Variants in LARGE1 observed in about 807,000 individuals in gnomAD.
LARGE1 encodes the protein xylosyl- and glucuronyltransferase LARGE1.
In LARGE1, 43 loss-of-function variants were observed where a neutral mutation model predicts 87.6. The observed-to-expected ratio is 0.49, with a 90% CI of 0.38 to 0.63. The LOEUF is 0.63. Among genes scored for constraint, LARGE1 ranks in the 30% least tolerant of loss-of-function variants. LARGE1 has a pLI of 0.00. For missense variants in LARGE1, 802 were observed against 1,000.2 expected, an observed-to-expected ratio of 0.80 and a Z score of 2.67; for synonymous variants, 434 against 394.6, an observed-to-expected ratio of 1.10 and a Z score of -1.18.
chr22:33,437,210 C>T (rs2147782737), intron 6 of LARGE1, among the ~76,000 whole-genome samples: 1 of 152,286 alleles, frequency 6.6e-6, no homozygotes, highest in South Asian at 2.1e-4. Flanking sequence ...ATTTCACCTG[C>T]AGGGTGACTG....
At chr22:33,322,500 C>G (rs1377782046) in intron 10 of LARGE1, 1 of 152,226 alleles carries the variant, frequency 6.6e-6, no homozygotes, top group African/African-American at 2.4e-5. Flanking sequence ...CAAATCCTAA[C>G]CTAGGCTTGC....
chr22:33,506,212 A>G (rs1392400520), intron 6 of LARGE1, among the ~76,000 whole-genome samples: 1 of 152,044 alleles, frequency 6.6e-6, no homozygotes, highest in East Asian at 1.9e-4. Context: ...ATATATATAT[A>G]TATTTTTGGA....
At chr22:33,779,796 T>TA (rs980236481) in intron 1 of LARGE1, among the ~76,000 whole-genome samples, 5 of 97,360 alleles carry the variant, frequency 5.1e-5, no homozygotes, top group Admixed American at 9.6e-5. Context: ...TCAAAAAAAT[T>TA]AAAAAAAAAT....
At chr22:33,104,911 CTTTCTTTCTT>C in the LARGE1 span, among the ~76,000 whole-genome samples, 1 of 66,458 alleles carries the variant, frequency 1.5e-5, no homozygotes, top group Non-Finnish European at 4.0e-5. Flanking sequence ...TTCTTTCTTT[CTTTCTTTCTT>C]TCTTTCTTTC....
At position 33,712,378 on chromosome 22, in the gene LARGE1, G is replaced by A. The variant is rs893952845; in HGVS notation, c.106+48993C>T. ...AACAGCCTTCAGGCAGGCACGAGAA[G>A]ACGGATCACAGGCTCGAAGGCTTCT... On this transcript the variant is annotated intron_variant, in intron 2 of 14. Transcript: ENST00000397394. Among the ~76,000 whole-genome samples, 9 of 152,258 alleles carry A rather than the reference G, an allele frequency of 5.9e-5. No homozygotes were observed. The East Asian group carries it at 1.7e-3, about 29-fold the overall frequency.
chr22:33,743,361 C>G (rs1008168858), intron 2 of LARGE1, among the ~76,000 whole-genome samples: 1 of 152,138 alleles, frequency 6.6e-6, no homozygotes, highest in Non-Finnish European at 1.5e-5. Flanking sequence ...ATGGATCACT[C>G]GTCCCACACA....
chr22:33,755,445 G>A (rs1041376617), intron 2 of LARGE1, among the ~76,000 whole-genome samples: 4 of 152,130 alleles, frequency 2.6e-5, no homozygotes, highest in Non-Finnish European at 5.9e-5. Context: ...TTTTCTGAAC[G>A]GCTGAAAAGC....
At chr22:33,922,081 A>G (rs373954071), upstream of LARGE1, among the ~76,000 whole-genome samples, 66 of 152,068 alleles carry the variant, frequency 4.3e-4, no homozygotes, top group East Asian at 0.012. Flanking sequence ...ACCTCTCCCC[A>G]GCCGGGCGGG....
At chr22:33,404,686 T>C (rs979688387) in intron 7 of LARGE1, among the ~76,000 whole-genome samples, 4 of 152,194 alleles carry the variant, frequency 2.6e-5, no homozygotes, top group African/African-American at 9.7e-5. Context: ...CTCGTGTCAA[T>C]CGTTTAAACA....
rs1205246073 is a variant in LARGE1, at chr22:33,881,494, A to G, written c.-83+38501T>C. Among the ~76,000 whole-genome samples the G allele has an allele frequency of 2.0e-5, 3 of 152,250 alleles. No individual in the cohort carries two copies. The East Asian group carries it at 5.8e-4, about 29-fold the overall frequency. On this transcript the variant is annotated intron_variant, in intron 1 of 14. Transcript: ENST00000397394. The stretch of plus-strand genomic sequence containing the variant: ...TAATTGGGTTTATCAAATGTGGGTA[A>G]TAACTTGACCCTTTTTAAAGAAGAG...
intron 1 of LARGE1, among the ~76,000 whole-genome samples, chr22:33,838,768 T>C (rs1352987116): frequency 6.6e-6 from 1 of 152,210 alleles, no homozygotes. Context: ...CCTGAGATGA[T>C]GTTCATCTCC....
At chr22:33,796,789 T>TTC (rs1491412414) in intron 1 of LARGE1, among the ~76,000 whole-genome samples, 2 of 131,204 alleles carry the variant, frequency 1.5e-5, no homozygotes, top group African/African-American at 5.8e-5. Context: ...TTTTTTTTTT[T>TTC]CCCCTGAGAT....
In LARGE1 at chr22:33,432,562, ATCAT is replaced by A. The variant is rs10626676; in HGVS notation, c.788-301_788-298del. Among the ~76,000 whole-genome samples the A allele has an allele frequency of 0.059, 8,879 of 150,354 alleles. 312 individuals are homozygous for A. The highest frequency in any genetic ancestry group is 0.088 in the African/African-American group (3,538 of 40,344). On this transcript the variant is annotated intron_variant, in intron 6 of 14. Transcript: ENST00000397394. ...GAATCTGATAAAGCTAGAATCCCAAATCATTCATTCATTCATTCATTCATTCATT... is the reference window on the plus strand; with the variant it reads ...GAATCTGATAAAGCTAGAATCCCAAATCATTCATTCATTCATTCATTCATT...
At chr22:33,363,821 C>T (rs2146923203) in intron 9 of LARGE1, among the ~76,000 whole-genome samples, 1 of 149,856 alleles carries the variant, frequency 6.7e-6, no homozygotes, top group African/African-American at 2.5e-5. Context: ...GAGAGTCAAT[C>T]TGATAACTGA....
intron 11 of LARGE1, among the ~76,000 whole-genome samples, chr22:33,171,072 T>C (rs1169104624): frequency 6.6e-6 from 1 of 152,178 alleles, no homozygotes; most frequent in Admixed American, 6.5e-5. Context: ...TGCTATGCTT[T>C]AGTAAAGCAA....
chr22:33,823,916 T>C (rs1392243889), intron 1 of LARGE1, among the ~76,000 whole-genome samples: 1 of 152,216 alleles, frequency 6.6e-6, no homozygotes, highest in Non-Finnish European at 1.5e-5. Flanking sequence ...TGATGGTTCA[T>C]TCCTCATTTG....
At chr22:33,726,400 T>C (rs568635486) in intron 2 of LARGE1, among the ~76,000 whole-genome samples, 6 of 152,198 alleles carry the variant, frequency 3.9e-5, no homozygotes, top group South Asian at 2.1e-4. Context: ...CCAGGAGGTG[T>C]AGAAGATCAC....
intron 11 of LARGE1, among the ~76,000 whole-genome samples, chr22:33,183,632 A>ACG (rs1555880691): frequency 0.025 from 3,079 of 124,974 alleles, 63 homozygotes; most frequent in South Asian, 0.091. Flanking sequence ...ACACACACAC[A>ACG]CACACACACA....
intron 3 of LARGE1, among the ~76,000 whole-genome samples, chr22:33,644,972 G>GC (rs1472557216): frequency 3.9e-5 from 6 of 152,278 alleles, no homozygotes; most frequent in African/African-American, 1.4e-4. Context: ...TGTGAAAGTG[G>GC]CCATACTGCC....
Sources: allele counts gnomAD v4.1 joint callset (sites outside exome capture counted in the v4.1 genomes callset), GRCh38; gene constraint gnomAD v4.1.1; transcripts MANE v1.5; gene names NCBI Gene and HGNC (gene_info 2026-07-23, HGNC 2026-07-21).